Variants in TCF12 observed in about 807,000 individuals in gnomAD.
TCF12 encodes DNA-binding protein HTF4.
Under a neutral mutation model 86.0 loss-of-function variants are expected in TCF12, and 45 were observed. The observed-to-expected ratio is 0.52, with a 90% CI of 0.41 to 0.67. The LOEUF (loss-of-function observed/expected upper bound fraction) is 0.67. TCF12 is among the 30% of genes least tolerant of loss of function. TCF12 has a pLI of 0.00. For synonymous variants in TCF12, 330 were observed against 299.6 expected, an observed-to-expected ratio of 1.10 and a Z score of -1.05; for missense variants, 881 against 859.9, an observed-to-expected ratio of 1.02 and a Z score of -0.31.
intron 4 of TCF12, among the ~76,000 whole-genome samples, chr15:57,075,758 T>TTTTCCTTC: frequency 1.1e-5 from 1 of 91,298 alleles, no homozygotes; most frequent in East Asian, 4.0e-4. Flanking sequence ...ATGAGGTTTC[T>TTTTCCTTC]TTTCTTTCTT....
At chr15:57,051,734 AC>A (rs1374337994) in intron 3 of TCF12, among the ~76,000 whole-genome samples, 1 of 152,180 alleles carries the variant, frequency 6.6e-6, no homozygotes, top group Non-Finnish European at 1.5e-5. Context: ...TTTGGATCTT[AC>A]CCAGAGAGTC....
intron 5 of TCF12, among the ~76,000 whole-genome samples, chr15:57,094,134 T>G (rs1267976666): frequency 6.6e-6 from 1 of 152,178 alleles, no homozygotes. Flanking sequence ...GTGATCCTTC[T>G]GCCCCAGCCT....
intron 4 of TCF12, among the ~76,000 whole-genome samples, chr15:57,087,035 C>G (rs1033341723): frequency 6.7e-6 from 1 of 149,246 alleles, no homozygotes; most frequent in African/African-American, 2.5e-5. Context: ...CTGTCTCTTC[C>G]CCTCTCTCTC....
intron 4 of TCF12, among the ~76,000 whole-genome samples, chr15:57,072,241 G>A (rs1165295750): frequency 1.3e-5 from 2 of 152,106 alleles, no homozygotes; most frequent in Admixed American, 1.3e-4. Context: ...CTAAGTGACT[G>A]GGAAAGATAT....
intron 5 of TCF12, among the ~76,000 whole-genome samples, chr15:57,098,193 AAAACAAAC>A (rs1204193665): frequency 2.0e-5 from 3 of 152,098 alleles, no homozygotes; most frequent in African/African-American, 7.2e-5. Flanking sequence ...TCAAAAAAAC[AAAACAAAC>A]AAACAAAAAA....
intron 6 of TCF12, among the ~76,000 whole-genome samples, chr15:57,188,041 T>TTATATA (rs1384431233): frequency 3.3e-5 from 5 of 152,118 alleles, no homozygotes; most frequent in African/African-American, 1.2e-4. Flanking sequence ...CGATATGATC[T>TTATATA]TATATATACG....
At chr15:57,108,421 G>C (rs1480814265) in intron 5 of TCF12, among the ~76,000 whole-genome samples, 1 of 152,146 alleles carries the variant, frequency 6.6e-6, no homozygotes, top group Non-Finnish European at 1.5e-5. Context: ...TGGGGTTTGA[G>C]GGTTAGGTTT....
rs368842917 is a variant in TCF12 at position 57,255,608 on chromosome 15, C to A, written c.1467+2140C>A. Among the ~76,000 whole-genome samples, 132 of 152,122 alleles carry A rather than the reference C, an allele frequency of 8.7e-4. 1 individual carries two copies. The East Asian group carries it at 0.023, about 26-fold the overall frequency. ...AAGCAATTCTCCTGCCTCAGCCTCCCGAATAGCTGGGATTATAGGCACCCG... is the reference window on the plus strand; with the variant it reads ...AAGCAATTCTCCTGCCTCAGCCTCCAGAATAGCTGGGATTATAGGCACCCG... On this transcript the variant is annotated intron_variant, in intron 16 of 20. Coordinates refer to ENST00000333725, the MANE Select transcript of TCF12 (RefSeq NM_207037.2).
In TCF12 at chr15:56,962,172, T is replaced by G. The variant is rs537283292; in HGVS notation, c.148+41074T>G. Among the ~76,000 whole-genome samples the G allele has an allele frequency of 1.6e-4, 24 of 151,742 alleles. No individual in the cohort carries two copies. In the East Asian group the frequency reaches 4.3e-3, roughly 27 times the overall value. ...AAAAAAAAATATGTTTAATGGTGAA[T>G]TGTGGTCAAATAACTTGGAAAGCCA... is the stretch of plus-strand genomic sequence containing the variant. On this transcript the variant is annotated intron_variant, in intron 3 of 20. Transcript: ENST00000333725.
intron 5 of TCF12, among the ~76,000 whole-genome samples, chr15:57,108,077 G>A (rs544992990): frequency 2.6e-5 from 4 of 152,264 alleles, no homozygotes; most frequent in African/African-American, 7.2e-5. Context: ...TGAGTGCACT[G>A]CACTCTTGTA....
rs202062303 is a variant in TCF12, at chr15:56,919,962, C to T, written c.49C>T (p.Leu17=). 3.1e-6 allele frequency: 5 copies of T among 1,614,112 alleles called. No homozygotes were observed. In the Admixed American group the frequency reaches 6.7e-5, roughly 22 times the overall value. Residue 17 remains leucine, a synonymous_variant, in exon 2 of 21, where the codon CTG becomes TTG. Coordinates refer to ENST00000333725, the MANE Select transcript of TCF12 (RefSeq NM_207037.2). ...RMAAIGTDKE[L]SDLLDFSAMF... ...GGCCGCTATAGGGACCGACAAGGAG[C>T]TGAGCGACCTACTGGACTTCAGTGC...
intron 6 of TCF12, among the ~76,000 whole-genome samples, chr15:57,179,619 A>G (rs918586586): frequency 7.9e-5 from 12 of 151,866 alleles, no homozygotes; most frequent in Non-Finnish European, 1.6e-4. Context: ...AACTTGCATG[A>G]CACTTTATAG....
At chr15:57,022,024 A>C (rs970037701) in intron 3 of TCF12, among the ~76,000 whole-genome samples, 41 of 152,178 alleles carry the variant, frequency 2.7e-4, no homozygotes, top group African/African-American at 9.6e-4. Context: ...CCTGGTGATC[A>C]ATATTTGTCA....
intron 5 of TCF12, among the ~76,000 whole-genome samples, chr15:57,121,395 C>G (rs944901729): frequency 7.2e-5 from 11 of 152,132 alleles, no homozygotes; most frequent in African/African-American, 2.7e-4. Flanking sequence ...GGTATCTGCT[C>G]CAAAATTCAT....
At chr15:57,188,419 T>G (rs1333041611) in intron 6 of TCF12, among the ~76,000 whole-genome samples, 1 of 152,214 alleles carries the variant, frequency 6.6e-6, no homozygotes, top group African/African-American at 2.4e-5. Context: ...GTGGATTCAA[T>G]GCAATACCCA....
At chr15:57,051,181 A>C (rs1482038125) in intron 3 of TCF12, among the ~76,000 whole-genome samples, 1 of 152,150 alleles carries the variant, frequency 6.6e-6, no homozygotes, top group Non-Finnish European at 1.5e-5. Context: ...TGCTTTGTTA[A>C]GGCAGGTCTG....
At chr15:56,984,165 A>C (rs1326409929) in intron 3 of TCF12, among the ~76,000 whole-genome samples, 1 of 151,934 alleles carries the variant, frequency 6.6e-6, no homozygotes, top group Non-Finnish European at 1.5e-5. Flanking sequence ...GGTTGAAATT[A>C]TGTGTATAAA....
chr15:57,048,368 T>A (rs1443945843), intron 3 of TCF12, among the ~76,000 whole-genome samples: 1 of 152,136 alleles, frequency 6.6e-6, no homozygotes, highest in Non-Finnish European at 1.5e-5. Flanking sequence ...TTCACGCCAT[T>A]CTCCTGCCTC....
intron 3 of TCF12, among the ~76,000 whole-genome samples, chr15:57,005,973 C>T (rs1461319321): frequency 6.6e-6 from 1 of 152,090 alleles, no homozygotes; most frequent in Non-Finnish European, 1.5e-5. Flanking sequence ...ATTTGGTAGA[C>T]CTTTTTTCCA....
Sources: allele counts gnomAD v4.1 joint callset (sites outside exome capture counted in the v4.1 genomes callset), GRCh38; gene constraint gnomAD v4.1.1; transcripts MANE v1.5; gene names NCBI Gene and HGNC (gene_info 2026-07-23, HGNC 2026-07-21).